Variants in ACAT2 observed in about 807,000 individuals in gnomAD.
The protein encoded by ACAT2 is acetyl-CoA acetyltransferase, cytosolic.
ACAT2 carries 26 observed loss-of-function variants against 37.1 expected under a neutral mutation model. The observed-to-expected ratio is 0.70, with a 90% confidence interval of 0.51 to 0.97. The LOEUF (loss-of-function observed/expected upper bound fraction) is 0.97, where lower values mean the gene tolerates loss of function less well. ACAT2 is among the 50% of genes least tolerant of loss of function. The pLI, the probability that ACAT2 is intolerant of heterozygous loss-of-function variation, is 0.00. For missense variants in ACAT2, 468 were observed against 489.0 expected (o/e 0.96, Z 0.40); for synonymous variants, 156 against 163.6 (o/e 0.95, Z 0.35).
At chr6:159,768,770 G>A in intron 4 of ACAT2, 142 bp downstream of exon 4, 1 of 526,368 alleles carries the variant, frequency 1.9e-6, no homozygotes, top group Non-Finnish European at 3.4e-6. Flanking sequence ...TAACTGAAGT[G>A]AAGTAAGTAT....
Position 159,778,879 on chromosome 6 carries a change from C to G in ACAT2, c.*50C>G. ...AATTTCTTTTTAAACTAATAAAGTA[C>G]TAGGTTGCAATATGTGAAATCAGAG... On this transcript the variant is annotated 3_prime_UTR_variant, in exon 9 of 9. Transcript: ENST00000367048. 1 of 1,609,408 alleles carries G rather than the reference C, an allele frequency of 6.2e-7. No homozygotes were observed. Among genetic ancestry groups the G allele is most frequent in the Non-Finnish European group, 8.5e-7 (1 of 1,176,670 alleles).
chr6:159,762,804 C>T (rs763017493), intron 1 of ACAT2, 115 bp from the exon 2 acceptor site: 1 of 1,593,450 alleles, frequency 6.3e-7, no homozygotes, highest in Non-Finnish European at 8.5e-7. Context: ...GAGGAGAGGG[C>T]ACTGCCTCCT....
chr6:159,771,857 A>G (rs1780342231), intron 4 of ACAT2, among the ~76,000 whole-genome samples: 1 of 152,112 alleles, frequency 6.6e-6, no homozygotes, highest in Admixed American at 6.5e-5. Flanking sequence ...ATAGTCTACT[A>G]TGATTGCACC....
chr6:159,768,366 C>G, intron 3 of ACAT2, 145 bp from the exon 4 acceptor site: 3 of 631,574 alleles, frequency 4.8e-6, no homozygotes, highest in Non-Finnish European at 5.7e-6. Context: ...TAGACCTTGG[C>G]CTGGCTGAGG....
At chr6:159,776,416 T>G in intron 6 of ACAT2, 144 bp downstream of exon 6, 1 of 1,061,456 alleles carries the variant, frequency 9.4e-7, no homozygotes, top group Non-Finnish European at 1.3e-6. Flanking sequence ...TGCAGCAATA[T>G]GATCATTGCT....
chr6:159,776,533 T>A (rs1780417520), intron 6 of ACAT2, among the ~76,000 whole-genome samples: 1 of 152,182 alleles, frequency 6.6e-6, no homozygotes, highest in East Asian at 1.9e-4. Context: ...AATATTTATG[T>A]ACAAAATTAT....
chr6:159,778,620 CAGA>C (rs1554268497), intron 8 of ACAT2, 36 bp from the exon 9 acceptor site: 6 of 1,601,820 alleles, frequency 3.7e-6, no homozygotes, highest in Non-Finnish European at 4.3e-6. Context: ...ACTGTGTCCA[CAGA>C]AGAATAAACA....
chr6:159,764,390 C>G (rs1780220415), intron 2 of ACAT2, among the ~76,000 whole-genome samples: 3 of 152,072 alleles, frequency 2.0e-5, no homozygotes, highest in Admixed American at 2.0e-4. Context: ...GAGAGTGCCC[C>G]CATCTTCTGA....
chr6:159,771,642 C>T (rs1277862777), intron 4 of ACAT2, among the ~76,000 whole-genome samples: 1 of 148,594 alleles, frequency 6.7e-6, no homozygotes, highest in Admixed American at 6.7e-5. Flanking sequence ...CAGAGTGAGA[C>T]TCTGTCTCAA....
chr6:159,775,473 G>A, intron 5 of ACAT2, 160 bp downstream of exon 5: 2 of 813,960 alleles, frequency 2.5e-6, no homozygotes, highest in Non-Finnish European at 3.7e-6. Context: ...GGGTATGCTG[G>A]GTTTACAGGA....
At chr6:159,770,326 GACCCTGCAAT>G (rs1366753356) in intron 4 of ACAT2, among the ~76,000 whole-genome samples, 1 of 152,150 alleles carries the variant, frequency 6.6e-6, no homozygotes, top group Non-Finnish European at 1.5e-5. Flanking sequence ...ACAGTCAACA[GACCCTGCAAT>G]ACTAGAATTA....
chr6:159,778,286 G>T lies in ACAT2; in HGVS notation c.1023+6G>T. 1 of 1,576,168 alleles carries T rather than the reference G, an allele frequency of 6.3e-7. No homozygotes were observed. Among genetic ancestry groups the T allele is most frequent in the South Asian group, 1.1e-5 (1 of 89,154 alleles). The stretch of plus-strand genomic sequence containing the variant: ...TTGGATTAAACCCAGAGAAGGTAAA[G>T]ATGCACAAGTAACCCTGAGAGCTTA... On this transcript the variant is annotated splice_donor_region_variant and intron_variant, in intron 8 of 8. Transcript: ENST00000367048.
In ACAT2 at chr6:159,777,412, C is replaced by T. The variant is rs768675557; in HGVS notation, c.868C>T (p.Pro290Ser). The T allele has an allele frequency of 2.8e-5, 45 of 1,614,020 alleles. No homozygotes were observed. Among genetic ancestry groups the T allele is most frequent in the Non-Finnish European group, 5.1e-6 (6 of 1,180,020 alleles). ...IVSWSQVGVEPSIMGIGPIPA... is the reference protein window; with the variant it reads ...IVSWSQVGVESSIMGIGPIPA... ...TTCCTGGTCCCAAGTGGGTGTGGAG[C>T]CTTCCATTATGGGAATAGGACCAAT... Residue 290 changes from proline (P) to serine (S), a missense_variant, in exon 7 of 9, where the codon CCT becomes TCT. Coordinates refer to ENST00000367048, the MANE Select transcript of ACAT2 (RefSeq NM_005891.3).
Position 159,779,007 on chromosome 6 carries a change from T to G in ACAT2, c.*178T>G, listed in dbSNP as rs761465923. 4 of 1,595,900 alleles carry G rather than the reference T, an allele frequency of 2.5e-6. No individual in the cohort carries two copies. The highest frequency in any genetic ancestry group is 3.4e-6 in the Non-Finnish European group (4 of 1,166,912). On this transcript the variant is annotated 3_prime_UTR_variant, in exon 9 of 9. Coordinates refer to ENST00000367048, the MANE Select transcript of ACAT2 (RefSeq NM_005891.3). ...ATACTCAACTCAAGGTACAAGACAA[T>G]TGCATTTAACATTGTTATAAATAAA... is the stretch of plus-strand genomic sequence containing the variant.
At chr6:159,764,508 A>G (rs1402620074) in intron 2 of ACAT2, among the ~76,000 whole-genome samples, 2 of 151,984 alleles carry the variant, frequency 1.3e-5, no homozygotes, top group African/African-American at 2.4e-5. Flanking sequence ...GGTGTAATCA[A>G]TCGTAGCCCA....
At chr6:159,768,319 A>G (rs1314108695) in intron 3 of ACAT2, among the ~76,000 whole-genome samples, 192 bp from the exon 4 acceptor site, 1 of 152,166 alleles carries the variant, frequency 6.6e-6, no homozygotes. Flanking sequence ...CGTTCCCAAC[A>G]ATAGGAAAGA....
intron 4 of ACAT2, among the ~76,000 whole-genome samples, chr6:159,769,483 A>G (rs781027007): frequency 6.6e-6 from 1 of 152,248 alleles, no homozygotes; most frequent in Non-Finnish European, 1.5e-5. Context: ...CCAGAACTGT[A>G]AGAAAATAAA....
intron 4 of ACAT2, among the ~76,000 whole-genome samples, chr6:159,770,060 G>A (rs1780311990): frequency 1.3e-5 from 2 of 152,274 alleles, no homozygotes; most frequent in East Asian, 3.9e-4. Context: ...CAGTTTAGGG[G>A]TAGGGCCAAA....
At chr6:159,776,989 A>G (rs544366754) in intron 6 of ACAT2, among the ~76,000 whole-genome samples, 4 of 152,190 alleles carry the variant, frequency 2.6e-5, no homozygotes, top group South Asian at 2.1e-4. Context: ...CTTTCACCCT[A>G]TTGGTCAGGC....
Sources: allele counts gnomAD v4.1 joint callset (sites outside exome capture counted in the v4.1 genomes callset), GRCh38; gene constraint gnomAD v4.1.1; transcripts MANE v1.5; gene names NCBI Gene and HGNC (gene_info 2026-07-23, HGNC 2026-07-21).